CALR: variants seen among roughly 807,000 people sequenced by gnomAD.
CALR encodes calreticulin.
A neutral mutation model predicts 51.1 loss-of-function variants in CALR; 15 were observed. The observed-to-expected ratio is 0.29, with a 90% CI of 0.20 to 0.45. The LOEUF (loss-of-function observed/expected upper bound fraction) is 0.45, where lower values mean the gene tolerates loss of function less well. Among genes scored for constraint, CALR ranks in the 20% least tolerant of loss-of-function variants. The pLI is 1.00. For missense variants in CALR, 477 were observed against 530.6 expected (o/e 0.90, Z 0.99); for synonymous variants, 239 against 205.9 (o/e 1.16, Z -1.38).
intron 7 of CALR, among the ~76,000 whole-genome samples, 172 bp downstream of exon 7, chr19:12,941,059 GGTTAT>G (rs1971540239): frequency 6.6e-6 from 1 of 152,174 alleles, no homozygotes; most frequent in Non-Finnish European, 1.5e-5. Context: ...ACCCCTTTAA[GGTTAT>G]ACTTGCTGTG....
At chr19:12,939,969 C>T in intron 3 of CALR, 84 bp from the exon 4 acceptor site, 1 of 993,192 alleles carries the variant, frequency 1.0e-6, no homozygotes, top group Non-Finnish European at 1.6e-6. Context: ...GTTGAAGAAC[C>T]AGGTCTTCCT....
intron 2 of CALR, 56 bp from the exon 3 acceptor site, chr19:12,939,372 T>TCG (rs1382789706): frequency 5.1e-6 from 8 of 1,567,124 alleles, no homozygotes; most frequent in Non-Finnish European, 7.0e-6. Context: ...ATTCTCTAAG[T>TCG]CGAGGGTCCT....
At chr19:12,938,907 C>T (rs941005562) in intron 1 of CALR, 137 bp downstream of exon 1, 16 of 802,836 alleles carry the variant, frequency 2.0e-5, no homozygotes, top group South Asian at 2.9e-5. Context: ...GGCGATTTCT[C>T]TTCTGCGTCC....
At position 12,940,427 on chromosome 19, in the gene CALR, A is replaced by C; in HGVS notation, c.677A>C (p.Asp226Ala). The C allele has an allele frequency of 6.2e-7, 1 of 1,614,192 alleles. No homozygotes were observed. The highest frequency in any genetic ancestry group is 8.5e-7 in the Non-Finnish European group (1 of 1,180,030). ...GACTGGGATGAGCGGGCCAAGATCG[A>C]TGATCCCACAGACTCCAAGCCTGAG... ...PEDWDERAKIDDPTDSKPEDW... is the reference protein window; with the variant it reads ...PEDWDERAKIADPTDSKPEDW... Residue 226 changes from aspartate (D) to alanine (A), a missense_variant, in exon 5 of 9, where the codon GAT becomes GCT. Physicochemically the swap from Asp to Ala is moderately radical, Grantham distance 126. Transcript: ENST00000316448.
rs1365913385 is a variant in CALR, at chr19:12,940,465, G to C, written c.702+13G>C. On this transcript the variant is annotated intron_variant, in intron 5 of 8. Coordinates refer to ENST00000316448, the MANE Select transcript of CALR (RefSeq NM_004343.4). The stretch of plus-strand genomic sequence containing the variant: ...CTCCAAGCCTGAGGTTGGTGTTTGG[G>C]CAGGGGCTCTGCTCTCCACATTGGA... 1 of 1,614,040 alleles carries C rather than the reference G, an allele frequency of 6.2e-7. No homozygotes were observed.
At chr19:12,939,024 G>C in intron 1 of CALR, 110 bp from the exon 2 acceptor site, 1 of 757,654 alleles carries the variant, frequency 1.3e-6, no homozygotes, top group Admixed American at 2.0e-5. Context: ...AATGGGGAGT[G>C]TCGGGGATCT....
Position 12,943,822 on chromosome 19 carries a change from A to T in CALR, c.1163A>T (p.Asp388Val). 2 of 1,581,380 alleles carry T rather than the reference A, an allele frequency of 1.3e-6. No homozygotes were observed. The highest frequency in any genetic ancestry group is 1.7e-6 in the Non-Finnish European group (2 of 1,163,344). Residue 388 changes from aspartate (D) to valine (V), a missense_variant, in exon 9 of 9, where the codon GAT (aspartate) becomes GTT (valine). Asp to Val is a radical substitution (Grantham distance 152, BLOSUM62 -3). Transcript: ENST00000316448. ...GAGGAGGCAGAGGACAAGGAGGATG[A>T]TGAGGACAAAGATGAGGATGAGGAG... ...EEEEAEDKED[D>V]EDKDEDEEDE...
Position 12,938,817 on chromosome 19 carries a change from C to A in CALR, c.91+47C>A, listed in dbSNP as rs1478236760. 4.3e-6 allele frequency: 6 copies of A among 1,402,048 alleles called. No homozygotes were observed. The African/African-American group carries it at 7.1e-5, about 17-fold the overall frequency. The allele number at this position is 1,402,048 out of a possible 1,614,324, so 86.9% of individuals were successfully genotyped here. A position where few individuals can be genotyped will look rare whatever the true frequency, so the allele number is the denominator to read the frequency against. ...AGGCCGCCCCGACGACGCGGCCGGCCCCCGATCCTGGATCTGCGTTGTCGC... is the reference window on the plus strand; with the variant it reads ...AGGCCGCCCCGACGACGCGGCCGGCACCCGATCCTGGATCTGCGTTGTCGC... On this transcript the variant is annotated intron_variant, in intron 1 of 8. Coordinates refer to ENST00000316448, the MANE Select transcript of CALR (RefSeq NM_004343.4).
chr19:12,940,006 G>A (rs765031922), intron 3 of CALR, 47 bp from the exon 4 acceptor site: 3 of 1,321,614 alleles, frequency 2.3e-6, no homozygotes, highest in Non-Finnish European at 3.3e-6. Flanking sequence ...AGAGCCTCGA[G>A]ATGATGGGTA....
intron 7 of CALR, among the ~76,000 whole-genome samples, chr19:12,941,894 A>G (rs1971552999): frequency 6.6e-6 from 1 of 151,872 alleles, no homozygotes. Flanking sequence ...GTTAGCCACC[A>G]TGCCTAGCCT....
rs1313806208 is a variant in CALR, at chr19:12,944,084, C to T, written c.*171C>T. ...TCCTCCACTCTCCCCCACCCCCTCCCCGCCCTTTTTTTTTTTTTTTTTTAA... is the reference window on the plus strand; with the variant it reads ...TCCTCCACTCTCCCCCACCCCCTCCTCGCCCTTTTTTTTTTTTTTTTTTAA... On this transcript the variant is annotated 3_prime_UTR_variant, in exon 9 of 9. Coordinates refer to ENST00000316448, the MANE Select transcript of CALR (RefSeq NM_004343.4). 1.9e-6 allele frequency: 2 copies of T among 1,042,190 alleles called. No individual in the cohort carries two copies. The highest frequency in any genetic ancestry group is 1.7e-5 in the South Asian group (1 of 58,178). 64.6% of individuals were successfully genotyped at this position (1,042,190 alleles called of 1,614,324 possible). A position where few individuals can be genotyped will look rare whatever the true frequency, so the allele number is the denominator to read the frequency against.
Position 12,940,334 on chromosome 19 carries a change from C to T in CALR, c.584C>T (p.Ser195Phe), listed in dbSNP as rs1971529053. 1 of 1,614,164 alleles carries T rather than the reference C, an allele frequency of 6.2e-7. No homozygotes were observed. The highest frequency in any genetic ancestry group is 1.3e-5 in the African/African-American group (1 of 75,042). ...KIDNSQVESGSLEDDWDFLPP... is the reference protein window; with the variant it reads ...KIDNSQVESGFLEDDWDFLPP... ...GACAACAGCCAGGTGGAGTCCGGCTCCTTGGAAGACGATTGGGACTTCCTG... is the reference window on the plus strand; with the variant it reads ...GACAACAGCCAGGTGGAGTCCGGCTTCTTGGAAGACGATTGGGACTTCCTG... The change falls in exon 5 of 9, where the codon TCC becomes TTC. Residue 195 changes from serine to phenylalanine, a missense_variant. Transcript: ENST00000316448.
In CALR at chr19:12,944,185, C is replaced by G; in HGVS notation, c.*272C>G. On this transcript the variant is annotated 3_prime_UTR_variant, in exon 9 of 9. Transcript: ENST00000316448. ...CTTTCTTGATCAACATCTTTTCTTGCCTCTGTCCCCTTCTCTCATCTCTTA... is the reference window on the plus strand; with the variant it reads ...CTTTCTTGATCAACATCTTTTCTTGGCTCTGTCCCCTTCTCTCATCTCTTA... 1.8e-6 allele frequency: 1 copy of G among 556,932 alleles called. No homozygotes were observed. The highest frequency in any genetic ancestry group is 3.2e-6 in the Non-Finnish European group (1 of 317,200). 34.5% of individuals were successfully genotyped at this position (556,932 alleles called of 1,614,324 possible). A position where few individuals can be genotyped will look rare whatever the true frequency, so the allele number is the denominator to read the frequency against.
chr19:12,940,943 C>G, intron 7 of CALR, 56 bp downstream of exon 7: 1 of 1,579,008 alleles, frequency 6.3e-7, no homozygotes, highest in Non-Finnish European at 8.7e-7. Context: ...CATAAGATCA[C>G]CCAAGAGGAA....
chr19:12,939,773 G>A (rs771373511), intron 3 of CALR, 142 bp downstream of exon 3: 25 of 780,452 alleles, frequency 3.2e-5, no homozygotes, highest in Non-Finnish European at 5.2e-5. Flanking sequence ...CATTATGATC[G>A]CAGATCTAGG....
chr19:12,938,629 G>A lies in CALR; in HGVS notation c.-51G>A, dbSNP rs903070949. On this transcript the variant is annotated 5_prime_UTR_variant, in exon 1 of 9. Transcript: ENST00000316448. Reference sequence around the variant, plus strand: ...CGTCCGTCCGTACTGCAGAGCCGCTGCCGGAGGGTCGTTTTAAAGGGCCCG... The same window carrying A: ...CGTCCGTCCGTACTGCAGAGCCGCTACCGGAGGGTCGTTTTAAAGGGCCCG... The A allele has an allele frequency of 3.5e-6, 5 of 1,418,610 alleles. No individual in the cohort carries two copies. The highest frequency in any genetic ancestry group is 2.0e-4 in the Middle Eastern group (1 of 5,108). The allele number at this position is 1,418,610 out of a possible 1,614,324, so 87.9% of individuals were successfully genotyped here.
intron 7 of CALR, among the ~76,000 whole-genome samples, chr19:12,941,419 C>T (rs531609196): frequency 6.6e-5 from 10 of 151,792 alleles, no homozygotes; most frequent in South Asian, 2.1e-4. Context: ...CCTCAGCCTC[C>T]GGAGTAGCTG....
At position 12,944,059 on chromosome 19, in the gene CALR, T is replaced by G; in HGVS notation, c.*146T>G. The G allele has an allele frequency of 7.9e-7, 1 of 1,271,522 alleles. No homozygotes were observed. Among genetic ancestry groups the G allele is most frequent in the Non-Finnish European group, 1.1e-6 (1 of 905,722 alleles). 78.8% of individuals were successfully genotyped at this position (1,271,522 alleles called of 1,614,324 possible). A position where few individuals can be genotyped will look rare whatever the true frequency, so the allele number is the denominator to read the frequency against. On this transcript the variant is annotated 3_prime_UTR_variant, in exon 9 of 9. Transcript: ENST00000316448. Reference sequence around the variant, plus strand: ...GGGGTGGATTTTGGTTTTGTTCCCCTCCTCCACTCTCCCCCACCCCCTCCC... The same window carrying G: ...GGGGTGGATTTTGGTTTTGTTCCCCGCCTCCACTCTCCCCCACCCCCTCCC...
chr19:12,939,750 C>G (rs755977515), intron 3 of CALR, 119 bp downstream of exon 3: 19 of 877,290 alleles, frequency 2.2e-5, no homozygotes, highest in Non-Finnish European at 3.5e-5. Context: ...TAAGTCCCAG[C>G]AACAATTTAT....
Sources: gnomAD v4.1 joint callset for allele counts (sites outside exome capture counted in the v4.1 genomes callset) on GRCh38, gnomAD v4.1.1 for gene constraint, MANE v1.5 for transcripts, NCBI Gene and HGNC (gene_info 2026-07-23, HGNC 2026-07-21) for gene names.